The following C3orf18 variants were observed in gnomAD, a reference collection of about 807,000 sequenced individuals.
C3orf18 encodes the protein uncharacterized protein C3orf18.
C3orf18 carries 12 observed loss-of-function variants against 14.1 expected under a neutral mutation model. The ratio of observed to expected loss-of-function variants is 0.85; its 90% CI spans 0.55 to 1.38. C3orf18 has a LOEUF of 1.38. C3orf18 is among the 40% of genes most tolerant of loss of function. The pLI is 0.00. For synonymous variants in C3orf18, 82 were observed against 87.9 expected, an observed-to-expected ratio of 0.93 and a Z score of 0.38; for missense variants, 196 against 213.9, an observed-to-expected ratio of 0.92 and a Z score of 0.52.
chr3:50,565,584 G>T lies in C3orf18; in HGVS notation c.116C>A (p.Pro39Gln). The change falls in exon 3 of 6, where the codon CCA becomes CAA. Residue 39 changes from proline to glutamine, a missense_variant. Coordinates refer to ENST00000357203, the MANE Select transcript of C3orf18 (RefSeq NM_016210.5). The surrounding 1 kb of genome is among the most constrained non-coding windows in gnomAD (Gnocchi z 4.4). ...GPASETTTLS[P>Q]EATTFNDTRI... ...GGTGTCATTAAAGGTGGTGGCCTCT[G>T]GGCTGAGGGTAGTGGTCTCGGAGGC... 1 of 1,614,000 alleles carries T rather than the reference G, an allele frequency of 6.2e-7. No individual in the cohort carries two copies. Among genetic ancestry groups the T allele is most frequent in the Non-Finnish European group, 8.5e-7 (1 of 1,180,004 alleles).
chr3:50,561,742 C>T lies in C3orf18; in HGVS notation c.240G>A (p.Leu80=). 6.2e-7 allele frequency: 1 copy of T among 1,613,770 alleles called. No individual in the cohort carries two copies. Among genetic ancestry groups the T allele is most frequent in the Non-Finnish European group, 8.5e-7 (1 of 1,180,012 alleles). The part of the protein sequence containing the change: ...TVIGLAVALV[L]YIRKKKRLEK... ...ATTACCTCTTCTTCTTCCTGATGTA[C>T]AAAACCTGCAAGAGAAGGAGCAGCA... The change falls in exon 4 of 6, where the codon TTG becomes TTA. Residue 80 remains leucine (L), a synonymous_variant. Transcript: ENST00000357203.
In C3orf18 at chr3:50,558,812, A is replaced by G. The variant is rs1203708131; in HGVS notation, c.*845T>C. The stretch of plus-strand genomic sequence containing the variant: ...AGAAGATAGCCTACCCTGATGCTCC[A>G]CTACATACCATGGGGTAGAGGTCGA... On this transcript the variant is annotated 3_prime_UTR_variant, in exon 6 of 6. Coordinates refer to ENST00000357203, the MANE Select transcript of C3orf18 (RefSeq NM_016210.5). 2.3e-6 allele frequency: 3 copies of G among 1,289,722 alleles called. No individual in the cohort carries two copies. The East Asian group carries it at 1.7e-4, about 72-fold the overall frequency. 79.9% of individuals were successfully genotyped at this position (1,289,722 alleles called of 1,614,324 possible).
upstream of C3orf18, chr3:50,571,399 G>T: frequency 8.0e-7 from 1 of 1,245,018 alleles, no homozygotes. Context: ...GGGATATCCA[G>T]GTTTTCTGTT....
intron 1 of C3orf18, among the ~76,000 whole-genome samples, chr3:50,566,320 C>T (rs921364734): frequency 2.6e-5 from 4 of 151,912 alleles, no homozygotes; most frequent in Admixed American, 1.3e-4. Flanking sequence ...GTCTTTGAAA[C>T]CTAGCTCAGC....
At chr3:50,573,100 C>T (rs528960538), upstream of C3orf18, among the ~76,000 whole-genome samples, 8 of 152,380 alleles carry the variant, frequency 5.3e-5, no homozygotes, top group East Asian at 1.5e-3. Flanking sequence ...TCTCTGACCC[C>T]TCTCCTCTCC....
intron 4 of C3orf18, 88 bp downstream of exon 4, chr3:50,561,634 G>T: frequency 7.4e-7 from 1 of 1,351,134 alleles, no homozygotes; most frequent in Non-Finnish European, 1.1e-6. Context: ...TCCCTGATCA[G>T]CTTTTCACCC....
At chr3:50,570,880 G>C (rs748102961), upstream of C3orf18, 32 of 449,240 alleles carry the variant, frequency 7.1e-5, no homozygotes, top group Admixed American at 1.1e-3. Context: ...TTGGTAGAAG[G>C]GGGGGTGTCA....
At chr3:50,568,875 G>T, upstream of C3orf18, among the ~76,000 whole-genome samples, 1 of 152,230 alleles carries the variant, frequency 6.6e-6, no homozygotes, top group East Asian at 1.9e-4. Context: ...GAGGTCCAGA[G>T]GTCCCAACAC....
chr3:50,568,725 CAAAAAAAAAA>C (rs66828816), upstream of C3orf18, among the ~76,000 whole-genome samples: 32 of 84,030 alleles, frequency 3.8e-4, no homozygotes, highest in Non-Finnish European at 3.0e-4. Flanking sequence ...AACTCCGTCT[CAAAAAAAAAA>C]AAAAAAAAAA....
rs1186317884 is a variant in C3orf18 at position 50,565,916 on chromosome 3, A to T, written c.-162-55T>A. ...CTAAGGACAGGGGCTCAGTAGTGAG[A>T]TGAAGTCTCTCTAGGTTCTGAAAGC... On this transcript the variant is annotated intron_variant, in intron 2 of 5. Transcript: ENST00000357203. This position sits in a 1 kb window ranked among gnomAD's most constrained non-coding sequence, Gnocchi z 4.4. 1.7e-5 allele frequency: 10 copies of T among 577,052 alleles called. No individual in the cohort carries two copies. The highest frequency in any genetic ancestry group is 3.1e-5 in the Admixed American group (1 of 32,492). The allele number at this position is 577,052 out of a possible 1,614,324, so 35.7% of individuals were successfully genotyped here. A position where few individuals can be genotyped will look rare whatever the true frequency, so the allele number is the denominator to read the frequency against.
At chr3:50,561,122 C>T in intron 4 of C3orf18, 58 bp from the exon 5 acceptor site, 2 of 1,564,572 alleles carry the variant, frequency 1.3e-6, no homozygotes, top group African/African-American at 1.4e-5. Context: ...TCCCAGCAGC[C>T]CTCCAGGCCC....
In C3orf18 at chr3:50,558,865, T is replaced by C. The variant is rs1189746680; in HGVS notation, c.*792A>G. 6.2e-6 allele frequency: 8 copies of C among 1,289,590 alleles called. No homozygotes were observed. In the African/African-American group the frequency reaches 1.2e-4, roughly 20 times the overall value. 79.9% of individuals were successfully genotyped at this position (1,289,590 alleles called of 1,614,324 possible). The stretch of plus-strand genomic sequence containing the variant: ...TGGAGGGTGGGGCCAGTGTGGACAA[T>C]CTCATTCTGCCCGCTGTGCTGGGAC... On this transcript the variant is annotated 3_prime_UTR_variant, in exon 6 of 6. Transcript: ENST00000357203.
chr3:50,561,828 T>C, intron 3 of C3orf18, 81 bp from the exon 4 acceptor site: 1 of 1,445,836 alleles, frequency 6.9e-7, no homozygotes, highest in East Asian at 2.3e-5. Context: ...GGGGACATGC[T>C]GAGGCTGATG....
upstream of C3orf18, chr3:50,571,553 C>T: frequency 7.9e-6 from 6 of 756,676 alleles, no homozygotes; most frequent in South Asian, 4.7e-5. Context: ...CTGGTGTTAG[C>T]TGTGTAACCT....
upstream of C3orf18, among the ~76,000 whole-genome samples, chr3:50,573,647 T>A (rs891807048): frequency 2.0e-5 from 3 of 152,148 alleles, no homozygotes; most frequent in African/African-American, 7.2e-5. Context: ...TGTGCAGACA[T>A]TTCTGAGAAC....
chr3:50,561,102 GC>G (rs764295409), intron 4 of C3orf18, 38 bp from the exon 5 acceptor site: 1 of 1,599,362 alleles, frequency 6.3e-7, no homozygotes, highest in Non-Finnish European at 8.5e-7. Context: ...GACAGGGCAG[GC>G]CCTTCCCCTC....
chr3:50,571,704 G>A (rs748036071), upstream of C3orf18: 4 of 1,613,836 alleles, frequency 2.5e-6, no homozygotes, highest in African/African-American at 1.3e-5. Flanking sequence ...TTCTCTGTGG[G>A]GACAGTTTCA....
rs1168376996 is a variant in C3orf18, at chr3:50,560,780, C to T, written c.408+137G>A. ...CAATATGACCACTTTCTGAACAAAT[C>T]TGGAAAAAGCCGTATACCCAATACC... On this transcript the variant is annotated intron_variant, in intron 5 of 5. Coordinates refer to ENST00000357203, the MANE Select transcript of C3orf18 (RefSeq NM_016210.5). 11 of 979,838 alleles carry T rather than the reference C, an allele frequency of 1.1e-5. No individual in the cohort carries two copies. The Admixed American group carries it at 1.3e-4, about 12-fold the overall frequency. 60.7% of individuals were successfully genotyped at this position (979,838 alleles called of 1,614,324 possible). A position where few individuals can be genotyped will look rare whatever the true frequency, so the allele number is the denominator to read the frequency against.
chr3:50,568,725 CAAAAAA>C (rs66828816), upstream of C3orf18, among the ~76,000 whole-genome samples: 24 of 84,036 alleles, frequency 2.9e-4, no homozygotes, highest in African/African-American at 1.0e-3. Context: ...AACTCCGTCT[CAAAAAA>C]AAAAAAAAAA....
Sources: gnomAD v4.1 joint callset for allele counts (sites outside exome capture counted in the v4.1 genomes callset) on GRCh38, gnomAD v4.1.1 for gene constraint, Gnocchi (gnomAD v3.1) non-coding constraint, MANE v1.5 for transcripts, NCBI Gene and HGNC (gene_info 2026-07-23, HGNC 2026-07-21) for gene names.